The following GARNL3 variants were observed in gnomAD, a reference collection of about 807,000 sequenced individuals.
The protein encoded by GARNL3 is GTPase-activating Rap/Ran-GAP domain-like protein 3.
A neutral mutation model predicts 125.0 loss-of-function variants in GARNL3; 63 were observed. The ratio of observed to expected loss-of-function variants is 0.50; its 90% CI spans 0.41 to 0.62. The LOEUF (loss-of-function observed/expected upper bound fraction) is 0.62, where lower values mean the gene tolerates loss of function less well. Ranked by LOEUF, GARNL3 falls within the 20% of genes least tolerant of loss-of-function variation. The probability of loss-of-function intolerance (pLI) is 0.00; values close to 1 mark genes in which losing one functional copy is unlikely to be tolerated. For missense variants in GARNL3, 994 were observed against 1,244.0 expected (o/e 0.80, Z 3.02); for synonymous variants, 439 against 457.5 (o/e 0.96, Z 0.52).
At chr9:127,224,860 G>T (rs2062869243) in intron 1 of GARNL3, among the ~76,000 whole-genome samples, 1 of 144,970 alleles carries the variant, frequency 6.9e-6, no homozygotes, top group African/African-American at 2.5e-5. Context: ...AAAGCCGGCG[G>T]CAAGAACCCC....
At chr9:127,360,214 G>A (rs761534809) in intron 21 of GARNL3, among the ~76,000 whole-genome samples, 4 of 152,048 alleles carry the variant, frequency 2.6e-5, no homozygotes, top group African/African-American at 9.7e-5. Flanking sequence ...GTAGAGACAG[G>A]GTTTCACCAT....
At chr9:127,278,530 G>A (rs2064016822) in intron 1 of GARNL3, among the ~76,000 whole-genome samples, 1 of 152,162 alleles carries the variant, frequency 6.6e-6, no homozygotes, top group Non-Finnish European at 1.5e-5. Context: ...ACATATCTGA[G>A]CATGTCTCTG....
rs189080642 is a variant in GARNL3 at position 127,231,235 on chromosome 9, T to G, written c.-29+6897T>G. On this transcript the variant is annotated intron_variant, in intron 1 of 10. Transcript: ENST00000439286. ...ACGCCCAGCTAATTTTTTGTTTTTTTTTTTTTTTTTGTATTTTTAGTAGAG... is the reference window on the plus strand; with the variant it reads ...ACGCCCAGCTAATTTTTTGTTTTTTGTTTTTTTTTTGTATTTTTAGTAGAG... Among the ~76,000 whole-genome samples, 1,030 of 139,016 alleles carry G rather than the reference T, an allele frequency of 7.4e-3. 11 individuals are homozygous for G. The highest frequency in any genetic ancestry group is 0.012 in the Non-Finnish European group (795 of 64,474). 91.2% of individuals were successfully genotyped at this position (139,016 alleles called of 152,430 possible).
intron 22 of GARNL3, among the ~76,000 whole-genome samples, chr9:127,376,320 G>A (rs530439468): frequency 3.3e-5 from 5 of 151,742 alleles, no homozygotes; most frequent in Admixed American, 2.6e-4. Flanking sequence ...CCGAGTTCAC[G>A]CCATTCTCCT....
At chr9:127,322,672 T>G (rs1267103411) in intron 6 of GARNL3, among the ~76,000 whole-genome samples, 1 of 152,146 alleles carries the variant, frequency 6.6e-6, no homozygotes, top group African/African-American at 2.4e-5. Flanking sequence ...TAGGAAGAGT[T>G]GAGCAACAGG....
chr9:127,312,279 G>T (rs2131468714), intron 3 of GARNL3, among the ~76,000 whole-genome samples: 1 of 152,254 alleles, frequency 6.6e-6, no homozygotes, highest in African/African-American at 2.4e-5. Context: ...CATGATATGG[G>T]TTTGGATCCT....
intron 1 of GARNL3, among the ~76,000 whole-genome samples, chr9:127,288,236 G>A (rs1460066151): frequency 1.3e-5 from 2 of 152,238 alleles, no homozygotes; most frequent in Non-Finnish European, 2.9e-5. Context: ...GTCAGGGAAG[G>A]TATACAGAAG....
rs73602805 is a variant in GARNL3 at position 127,342,008 on chromosome 9, G to A, written c.1136-211G>A. On this transcript the variant is annotated intron_variant, in intron 13 of 27. Coordinates refer to ENST00000373387, the MANE Select transcript of GARNL3 (RefSeq NM_032293.5). ...GAAAACTCTGAGATTACAGGAGATG[G>A]CATTTCAACAAAAATCTTGACCTTT... is the stretch of plus-strand genomic sequence containing the variant. Among the ~76,000 whole-genome samples, 1,331 of 152,182 alleles carry A rather than the reference G, an allele frequency of 8.7e-3. 24 individuals carry two copies. Among genetic ancestry groups the A allele is most frequent in the African/African-American group, 0.03 (1,247 of 41,508 alleles).
At chr9:127,370,362 A>G (rs1374660170) in intron 22 of GARNL3, among the ~76,000 whole-genome samples, 2 of 152,250 alleles carry the variant, frequency 1.3e-5, no homozygotes, top group African/African-American at 4.8e-5. Context: ...TAAACTGTAC[A>G]GGATTCCATA....
intron 22 of GARNL3, among the ~76,000 whole-genome samples, chr9:127,372,281 G>A (rs1432212147): frequency 6.6e-6 from 1 of 152,120 alleles, no homozygotes. Flanking sequence ...AAACAAATTG[G>A]TGCAATGTGC....
rs1197728933 is a variant in GARNL3, at chr9:127,345,423, T to C, written c.1377T>C (p.Ile459=). The change falls in exon 16 of 28, where the codon ATT becomes ATC. Residue 459 remains isoleucine, a synonymous_variant. Transcript: ENST00000373387. ...RIGQALKLKS[I]VRGDAPSSLA... is the part of the protein sequence containing the mutation. ...GTAAGGCACTAAAACTGAAATCCAT[T>C]GTGAGAGGGGATGCTCCATCAAGCT... The C allele has an allele frequency of 1.2e-6, 2 of 1,606,238 alleles. No individual in the cohort carries two copies. The highest frequency in any genetic ancestry group is 1.1e-5 in the South Asian group (1 of 89,326).
chr9:127,290,194 G>A (rs1358272262), intron 1 of GARNL3, among the ~76,000 whole-genome samples: 3 of 152,172 alleles, frequency 2.0e-5, no homozygotes, highest in Non-Finnish European at 4.4e-5. Context: ...ACAAATACCA[G>A]ATACTGTTTC....
chr9:127,298,471 G>A (rs565342093), intron 2 of GARNL3, among the ~76,000 whole-genome samples: 27 of 152,228 alleles, frequency 1.8e-4, no homozygotes, highest in Admixed American at 4.6e-4. Flanking sequence ...GAGCCACCAC[G>A]CCCGGCCTGC....
At chr9:127,365,039 T>C (rs1189791852) in intron 21 of GARNL3, 4 of 451,964 alleles carry the variant, frequency 8.9e-6, no homozygotes, top group Non-Finnish European at 1.6e-5. Flanking sequence ...TCAACGGCTA[T>C]GAAAAGATGA....
intron 2 of GARNL3, among the ~76,000 whole-genome samples, chr9:127,295,708 A>C (rs575673438): frequency 6.6e-6 from 1 of 151,252 alleles, no homozygotes; most frequent in Admixed American, 6.6e-5. Context: ...AAAATCACTC[A>C]CAGAATTAAT....
intron 1 of GARNL3, among the ~76,000 whole-genome samples, chr9:127,237,313 C>T (rs1436622734): frequency 6.6e-6 from 1 of 152,232 alleles, no homozygotes; most frequent in Admixed American, 6.5e-5. Context: ...GCTGCTGACT[C>T]TAGAACCATG....
At chr9:127,347,416 C>G (rs966886619) in intron 16 of GARNL3, among the ~76,000 whole-genome samples, 19 of 151,892 alleles carry the variant, frequency 1.3e-4, no homozygotes, top group Non-Finnish European at 1.0e-4. Flanking sequence ...AGCAAGACCT[C>G]GTCTCAAAAT....
chr9:127,263,991 G>T, upstream of GARNL3: 1 of 1,526,520 alleles, frequency 6.6e-7, no homozygotes, highest in Non-Finnish European at 8.8e-7. Context: ...TTTAAGGAAG[G>T]ATGAAAAGGT....
At chr9:127,359,087 G>T (rs970329848) in intron 21 of GARNL3, among the ~76,000 whole-genome samples, 1 of 149,498 alleles carries the variant, frequency 6.7e-6, no homozygotes, top group Non-Finnish European at 1.5e-5. Context: ...GAGGAATGCC[G>T]CCCACTCCCC....
Sources: gnomAD v4.1 joint callset for allele counts (sites outside exome capture counted in the v4.1 genomes callset) on GRCh38, gnomAD v4.1.1 for gene constraint, MANE v1.5 for transcripts, NCBI Gene and HGNC (gene_info 2026-07-23, HGNC 2026-07-21) for gene names.